GAB3: variants seen among roughly 807,000 people sequenced by gnomAD.
GAB3 encodes the protein GRB2 associated binding protein 3, also known as GRB2-associated-binding protein 3.
A neutral mutation model predicts 40.4 loss-of-function variants in GAB3; 12 were observed. The ratio of observed to expected loss-of-function variants is 0.30; its 90% CI spans 0.19 to 0.48. GAB3 has a LOEUF of 0.48. GAB3 is among the 20% of genes least tolerant of loss of function. The probability of loss-of-function intolerance (pLI) is 0.99; values close to 1 mark genes in which losing one functional copy is unlikely to be tolerated. For missense variants in GAB3, 381 were observed against 461.9 expected, an observed-to-expected ratio of 0.82 and a Z score of 1.61; for synonymous variants, 154 against 176.7, an observed-to-expected ratio of 0.87 and a Z score of 1.02.
chrX:154,711,927 C>T (rs1435880440), intron 4 of GAB3, among the ~76,000 whole-genome samples: 1 of 111,879 alleles, frequency 8.9e-6, no homozygotes, highest in Non-Finnish European at 1.9e-5. Context: ...AATGTCTCTC[C>T]TGGTGGTCAG....
At chrX:154,721,176 GA>G (rs2071126860) in intron 1 of GAB3, among the ~76,000 whole-genome samples, 1 of 112,410 alleles carries the variant, frequency 8.9e-6, no homozygotes, top group Non-Finnish European at 1.9e-5. Flanking sequence ...TGCGGAAAAA[GA>G]AACAAAAAAT....
At chrX:154,705,163 C>G (rs1557253244) in intron 4 of GAB3, among the ~76,000 whole-genome samples, 1 of 110,325 alleles carries the variant, frequency 9.1e-6, no homozygotes, top group East Asian at 2.8e-4. Context: ...CAAAACCAGA[C>G]AAGGACACAA....
At position 154,677,894 on chromosome X, in the gene GAB3, C is replaced by T; in HGVS notation, c.*284G>A. ...TCAAACGATAAAATCCTGTTGGTGG[C>T]AACACTCACTCCAATCTTTGCTCCA... On this transcript the variant is annotated 3_prime_UTR_variant, in exon 10 of 10. Coordinates refer to ENST00000424127, the MANE Select transcript of GAB3 (RefSeq NM_001081573.3). 3.4e-6 allele frequency: 1 copy of T among 298,164 alleles called. No individual in the cohort carries two copies. The highest frequency in any genetic ancestry group is 5.8e-6 in the Non-Finnish European group (1 of 171,760). The allele number at this position is 298,164 out of a possible 1,213,427, so 24.6% of individuals were successfully genotyped here. A position where few individuals can be genotyped will look rare whatever the true frequency, so the allele number is the denominator to read the frequency against.
At chrX:154,696,504 A>G (rs1341605668) in intron 7 of GAB3, among the ~76,000 whole-genome samples, 1 of 111,040 alleles carries the variant, frequency 9.0e-6, no homozygotes, top group Non-Finnish European at 1.9e-5. Context: ...TTTACAATGC[A>G]ATTGTGTTTT....
intron 4 of GAB3, among the ~76,000 whole-genome samples, chrX:154,709,103 C>T (rs1333871939): frequency 3.8e-5 from 4 of 105,359 alleles, no homozygotes; most frequent in Non-Finnish European, 5.9e-5. Context: ...AGAGCTCTCA[C>T]GAGATCTGGT....
At chrX:154,733,450 T>C (rs2071321514) in intron 1 of GAB3, among the ~76,000 whole-genome samples, 1 of 112,385 alleles carries the variant, frequency 8.9e-6, no homozygotes, top group Admixed American at 9.4e-5. Flanking sequence ...CTTTCGCATT[T>C]TGTCATTTGC....
rs782129618 is a variant in GAB3 at position 154,746,106 on chromosome X, CA to C, written c.72+4847del. ...GAAAATTTGTAGTTGATAGCCTTCC[CA>C]AAAAGAAAAGTATAGGCCCAGATGT... is the stretch of plus-strand genomic sequence containing the variant. On this transcript the variant is annotated intron_variant, in intron 1 of 9. Coordinates refer to ENST00000424127, the MANE Select transcript of GAB3 (RefSeq NM_001081573.3). Among the ~76,000 whole-genome samples, 16 of 108,051 alleles carry C rather than the reference CA, an allele frequency of 1.5e-4. No homozygotes were observed. In the East Asian group the frequency reaches 4.6e-3, roughly 31 times the overall value. The allele number at this position is 108,051 out of a possible 115,157, so 93.8% of individuals were successfully genotyped here. A position where few individuals can be genotyped will look rare whatever the true frequency, so the allele number is the denominator to read the frequency against.
intron 8 of GAB3, among the ~76,000 whole-genome samples, chrX:154,691,688 C>T (rs1268805090): frequency 4.5e-5 from 5 of 111,294 alleles, no homozygotes; most frequent in African/African-American, 6.5e-5. Flanking sequence ...TTAAAGTTCA[C>T]GTGTAATATT....
upstream of GAB3, chrX:154,751,179 C>A: frequency 2.2e-6 from 1 of 447,322 alleles, no homozygotes; most frequent in Non-Finnish European, 2.8e-6. Flanking sequence ...CCGCGGCCCC[C>A]GGGGAGGGAA....
chrX:154,737,436 T>A (rs782033865), intron 1 of GAB3, among the ~76,000 whole-genome samples: 4 of 111,305 alleles, frequency 3.6e-5, no homozygotes, highest in Non-Finnish European at 7.5e-5. Context: ...CCTAGGTCCT[T>A]TTCCTTCTTA....
chrX:154,723,433 A>C (rs1603426944), intron 1 of GAB3, among the ~76,000 whole-genome samples: 1 of 111,640 alleles, frequency 9.0e-6, no homozygotes, highest in East Asian at 2.8e-4. Flanking sequence ...AATAAGAGAT[A>C]AGTAGAGGGG....
intron 5 of GAB3, 71 bp from the exon 6 acceptor site, chrX:154,699,584 G>A: frequency 1.1e-6 from 1 of 891,464 alleles, no homozygotes; most frequent in Non-Finnish European, 1.6e-6. Flanking sequence ...GGCGGCCAAA[G>A]CTGTACATAT....
At chrX:154,710,227 C>T (rs2070913122) in intron 4 of GAB3, among the ~76,000 whole-genome samples, 2 of 112,100 alleles carry the variant, frequency 1.8e-5, no homozygotes, top group South Asian at 3.7e-4. Context: ...GAAAATTCAA[C>T]ATTGTAGTCA....
chrX:154,709,459 C>T (rs868931144), intron 4 of GAB3, among the ~76,000 whole-genome samples: 9 of 108,510 alleles, frequency 8.3e-5, no homozygotes, highest in East Asian at 2.9e-4. Context: ...TAGCTGGGAC[C>T]ACAGGCACCC....
intron 4 of GAB3, among the ~76,000 whole-genome samples, chrX:154,704,322 A>G (rs2070777397): frequency 9.0e-6 from 1 of 111,601 alleles, no homozygotes; most frequent in Non-Finnish European, 1.9e-5. Flanking sequence ...TAGACAGAAT[A>G]AGACCTAATA....
At position 154,678,114 on chromosome X, in the gene GAB3, AAAG is replaced by A; in HGVS notation, c.*61_*63del. 1.7e-6 allele frequency: 1 copy of A among 595,580 alleles called. No individual in the cohort carries two copies. The highest frequency in any genetic ancestry group is 2.7e-6 in the Non-Finnish European group (1 of 369,039). 49.1% of individuals were successfully genotyped at this position (595,580 alleles called of 1,213,427 possible). ...TTTTTAGTGGACAAAAAAAAAAAAA[AAAG>A]AAAAAACTCAAACTGAGCCCCAAGC... On this transcript the variant is annotated 3_prime_UTR_variant, in exon 10 of 10. Transcript: ENST00000424127.
chrX:154,698,541 G>A (rs1022447175), intron 6 of GAB3, among the ~76,000 whole-genome samples: 1 of 112,410 alleles, frequency 8.9e-6, no homozygotes, highest in African/African-American at 3.2e-5. Context: ...GCAAAGAGAA[G>A]TTGGAATGCA....
upstream of GAB3, chrX:154,751,107 G>A: frequency 1.3e-6 from 1 of 749,255 alleles, no homozygotes; most frequent in Non-Finnish European, 1.6e-6. Context: ...CGGCGGGGCG[G>A]GCCCAGCGCC....
Position 154,716,189 on chromosome X carries a change from C to A in GAB3, c.213G>T (p.Val71=). Residue 71 remains valine (V), a synonymous_variant, in exon 2 of 10, where the codon GTG becomes GTT. Coordinates refer to ENST00000424127, the MANE Select transcript of GAB3 (RefSeq NM_001081573.3). The part of the protein sequence containing the change: ...DLSECAVWKH[V]GPSFVRKEFQ... ...ATTCCTTCCGAACAAAGCTGGGGCC[C>A]ACATGCTTCCACACTGCACACTCGC... is the stretch of plus-strand genomic sequence containing the variant. The A allele has an allele frequency of 8.2e-7, 1 of 1,212,377 alleles. No homozygotes were observed. The highest frequency in any genetic ancestry group is 3.0e-5 in the East Asian group (1 of 33,860).
Sources: gnomAD v4.1 joint callset for allele counts (sites outside exome capture counted in the v4.1 genomes callset) on GRCh38, gnomAD v4.1.1 for gene constraint, MANE v1.5 for transcripts, NCBI Gene and HGNC (gene_info 2026-07-23, HGNC 2026-07-21) for gene names.